The following ZDHHC15 variants were observed in gnomAD, a reference collection of about 807,000 sequenced individuals.
ZDHHC15 encodes zDHHC palmitoyltransferase 15.
In ZDHHC15, 19 loss-of-function variants were observed where a neutral mutation model predicts 31.7. That is an observed-to-expected ratio of 0.60 (90% CI 0.42 to 0.88). The LOEUF (loss-of-function observed/expected upper bound fraction) is 0.88. Ranked by LOEUF, ZDHHC15 falls within the 40% of genes least tolerant of loss-of-function variation. The probability of loss-of-function intolerance (pLI) is 0.00; values close to 1 mark genes in which losing one functional copy is unlikely to be tolerated. For missense variants in ZDHHC15, 209 were observed against 251.2 expected (o/e 0.83, Z 1.14); for synonymous variants, 103 against 90.0 (o/e 1.14, Z -0.82).
At chrX:75,468,041 ATTTTTTTT>A (rs142205044) in intron 3 of ZDHHC15, among the ~76,000 whole-genome samples, 1 of 83,860 alleles carries the variant, frequency 1.2e-5, no homozygotes, top group Non-Finnish European at 2.3e-5. Context: ...AACTGGCATA[ATTTTTTTT>A]TTTTTTTTTT....
chrX:75,425,249 A>ATG (rs35446734), intron 7 of ZDHHC15, among the ~76,000 whole-genome samples: 2 of 10,449 alleles, frequency 1.9e-4, no homozygotes, highest in Non-Finnish European at 4.8e-3. Flanking sequence ...AAGTTAAAAC[A>ATG]TAGGTAGAAT....
At chrX:75,503,306 C>T (rs749655513) in intron 2 of ZDHHC15, among the ~76,000 whole-genome samples, 18 of 110,497 alleles carry the variant, frequency 1.6e-4, no homozygotes, top group Non-Finnish European at 2.7e-4. Context: ...CTGAATTGTT[C>T]TCCCTATAAA....
intron 4 of ZDHHC15, among the ~76,000 whole-genome samples, chrX:75,435,294 CTGTT>C (rs757183527): frequency 9.9e-5 from 11 of 111,644 alleles, no homozygotes; most frequent in Non-Finnish European, 1.3e-4. Context: ...CAAACAGTGA[CTGTT>C]TGACTTCCTC....
At chrX:75,510,805 C>T (rs2148059314) in intron 1 of ZDHHC15, among the ~76,000 whole-genome samples, 1 of 73,591 alleles carries the variant, frequency 1.4e-5, no homozygotes, top group East Asian at 5.0e-4. Flanking sequence ...CAATTCCCAC[C>T]TATAAGTGAG....
chrX:75,422,745 C>G (rs2083661469), intron 8 of ZDHHC15, among the ~76,000 whole-genome samples: 1 of 111,268 alleles, frequency 9.0e-6, no homozygotes, highest in Non-Finnish European at 1.9e-5. Context: ...ATCTACCACC[C>G]TAGCAACTAG....
intron 3 of ZDHHC15, among the ~76,000 whole-genome samples, chrX:75,472,388 C>T (rs2084515996): frequency 8.9e-6 from 1 of 112,129 alleles, no homozygotes. Flanking sequence ...GAACTTTGAG[C>T]ACCACACCTG....
At chrX:75,386,429 G>C (rs1225092255) in intron 10 of ZDHHC15, among the ~76,000 whole-genome samples, 6 of 111,966 alleles carry the variant, frequency 5.4e-5, no homozygotes, top group Admixed American at 9.5e-5. Context: ...TATCACATTA[G>C]CTCAAGGGAA....
chrX:75,485,903 T>C (rs924997996), intron 2 of ZDHHC15, among the ~76,000 whole-genome samples: 1 of 111,831 alleles, frequency 8.9e-6, no homozygotes, highest in African/African-American at 3.3e-5. Context: ...AGTTGATCAT[T>C]AATGGTTAAA....
chrX:75,470,554 C>A lies in ZDHHC15; in HGVS notation c.258+8337G>T, dbSNP rs146665829. On this transcript the variant is annotated intron_variant, in intron 3 of 11. Coordinates refer to ENST00000373367, the MANE Select transcript of ZDHHC15 (RefSeq NM_144969.3). ...ACTGCACTGGGGAAAGGGAAATGAT[C>A]AGACATTTTGGGAACTACTGGACAC... is the stretch of plus-strand genomic sequence containing the variant. 7.6e-3 allele frequency among the ~76,000 whole-genome samples: 850 copies of A among 111,580 alleles called. 7 individuals carry two copies. The highest frequency in any genetic ancestry group is 0.027 in the African/African-American group (824 of 30,718).
At position 75,408,412 on chromosome X, in the gene ZDHHC15, T is replaced by C. The variant is rs373780036; in HGVS notation, c.967+8675A>G. 4.5e-5 allele frequency among the ~76,000 whole-genome samples: 5 copies of C among 110,709 alleles called. No homozygotes were observed. In the East Asian group the frequency reaches 1.4e-3, roughly 31 times the overall value. On this transcript the variant is annotated intron_variant, in intron 10 of 11. Coordinates refer to ENST00000373367, the MANE Select transcript of ZDHHC15 (RefSeq NM_144969.3). ...GATAGAATACAAGTTCCCTATATGA[T>C]AAAAACCCTTAACAAACTGGGTATA...
intron 11 of ZDHHC15, among the ~76,000 whole-genome samples, chrX:75,373,429 A>C (rs975883548): frequency 2.7e-5 from 3 of 111,385 alleles, no homozygotes; most frequent in Non-Finnish European, 3.8e-5. Context: ...CTGGTATAAT[A>C]TAATCTTCCT....
At chrX:75,502,159 A>C in intron 2 of ZDHHC15, 1 of 111,940 alleles carries the variant, frequency 8.9e-6, no homozygotes, top group South Asian at 3.7e-4. Flanking sequence ...AAGTGTCAGC[A>C]GGATTGGCCA....
intron 10 of ZDHHC15, among the ~76,000 whole-genome samples, chrX:75,400,525 G>A (rs1438765966): frequency 8.9e-6 from 1 of 111,886 alleles, no homozygotes; most frequent in African/African-American, 3.2e-5. Context: ...CTGAAAGGAA[G>A]GGGGAGAAAG....
chrX:75,493,114 C>G (rs2084927862), intron 2 of ZDHHC15, among the ~76,000 whole-genome samples: 1 of 111,441 alleles, frequency 9.0e-6, no homozygotes, highest in African/African-American at 3.3e-5. Flanking sequence ...ACCACTGATC[C>G]CACAGAAATA....
chrX:75,456,752 C>T (rs2084229924), intron 3 of ZDHHC15, among the ~76,000 whole-genome samples: 1 of 111,014 alleles, frequency 9.0e-6, no homozygotes. Flanking sequence ...CTGAGCAACG[C>T]TGCTCTATGA....
intron 3 of ZDHHC15, among the ~76,000 whole-genome samples, chrX:75,452,873 A>G (rs1054243876): frequency 8.9e-6 from 1 of 112,218 alleles, no homozygotes; most frequent in African/African-American, 3.2e-5. Context: ...TCTGGGACAC[A>G]TTTAAAGCAG....
intron 3 of ZDHHC15, among the ~76,000 whole-genome samples, chrX:75,464,409 A>G (rs2084370438): frequency 9.0e-6 from 1 of 111,170 alleles, no homozygotes; most frequent in Non-Finnish European, 1.9e-5. Context: ...CGTTGTGCAC[A>G]TGTACCCTAG....
intron 2 of ZDHHC15, among the ~76,000 whole-genome samples, chrX:75,500,243 C>T (rs778106343): frequency 3.8e-4 from 41 of 108,232 alleles, no homozygotes; most frequent in African/African-American, 1.2e-3. Context: ...TAATCAAACA[C>T]CACCTGCTCC....
At position 75,368,627 on chromosome X, in the gene ZDHHC15, A is replaced by C. The variant is rs1165376882; in HGVS notation, c.*4351T>G. 1 of 111,625 alleles carries C rather than the reference A, an allele frequency of 9.0e-6. No individual in the cohort carries two copies. Among genetic ancestry groups the C allele is most frequent in the Non-Finnish European group, 1.9e-5 (1 of 53,130 alleles). The allele number at this position is 111,625 out of a possible 1,213,427, so 9.2% of individuals were successfully genotyped here. ...CTTTTCTGGCACTCTAATATAGTTCATATATTACCAAGACCCACTGCCAGC... is the reference window on the plus strand; with the variant it reads ...CTTTTCTGGCACTCTAATATAGTTCCTATATTACCAAGACCCACTGCCAGC... On this transcript the variant is annotated 3_prime_UTR_variant, in exon 12 of 12. Transcript: ENST00000373367.
Sources: allele counts gnomAD v4.1 joint callset (sites outside exome capture counted in the v4.1 genomes callset), GRCh38; gene constraint gnomAD v4.1.1; transcripts MANE v1.5; gene names NCBI Gene and HGNC (gene_info 2026-07-23, HGNC 2026-07-21).